LCOR: variants seen among roughly 807,000 people sequenced by gnomAD.
The protein encoded by LCOR is ligand-dependent corepressor.
A neutral mutation model predicts 64.4 loss-of-function variants in LCOR; 14 were observed. The observed-to-expected ratio is 0.22, with a 90% confidence interval of 0.14 to 0.34. The LOEUF is 0.34. Ranked by LOEUF, LCOR falls within the 10% of genes least tolerant of loss-of-function variation. The pLI, the probability that LCOR is intolerant of heterozygous loss-of-function variation, is 1.00. For synonymous variants in LCOR, 643 were observed against 642.5 expected, an observed-to-expected ratio of 1.00 and a Z score of -0.01; for missense variants, 1,686 against 1,765.3, an observed-to-expected ratio of 0.96 and a Z score of 0.80.
At chr10:96,865,501 TTTAA>T (rs1218121947) in intron 2 of LCOR, among the ~76,000 whole-genome samples, 15 of 151,726 alleles carry the variant, frequency 9.9e-5, no homozygotes, top group African/African-American at 3.7e-4. Context: ...TTTTATCGTG[TTTAA>T]TTGAGATGCA....
rs1166601538 is a variant in LCOR at position 96,989,235 on chromosome 10, CA to C, written c.*4102del. On this transcript the variant is annotated 3_prime_UTR_variant, in exon 8 of 8. Coordinates refer to ENST00000421806, the MANE Select transcript of LCOR (RefSeq NM_001346516.2). The stretch of plus-strand genomic sequence containing the variant: ...CACCTTACCGTATCGAGCCGGAACC[CA>C]TGAGCAAATAGGGATTCAGAGTTCT... 1 of 152,196 alleles carries C rather than the reference CA, an allele frequency of 6.6e-6. No individual in the cohort carries two copies. Among genetic ancestry groups the C allele is most frequent in the Non-Finnish European group, 1.5e-5 (1 of 68,044 alleles). The allele number at this position is 152,196 out of a possible 1,614,324, so 9.4% of individuals were successfully genotyped here. A position where few individuals can be genotyped will look rare whatever the true frequency, so the allele number is the denominator to read the frequency against.
chr10:96,864,319 C>T (rs1845935063), intron 2 of LCOR, among the ~76,000 whole-genome samples: 2 of 152,170 alleles, frequency 1.3e-5, no homozygotes, highest in Admixed American at 1.3e-4. Context: ...AAAATGTTCT[C>T]TGTCAAATAA....
At chr10:96,932,463 T>C (rs984859108) in intron 4 of LCOR, among the ~76,000 whole-genome samples, 6 of 151,516 alleles carry the variant, frequency 4.0e-5, no homozygotes, top group Non-Finnish European at 8.8e-5. Context: ...TTTATTTTAT[T>C]TTATTTATTT....
intron 2 of LCOR, among the ~76,000 whole-genome samples, chr10:96,887,168 A>G (rs1389549895): frequency 2.0e-5 from 3 of 152,214 alleles, no homozygotes; most frequent in Non-Finnish European, 2.9e-5. Context: ...CCACAAATTA[A>G]GACAGTGGCA....
chr10:96,861,398 C>A (rs1845885017), intron 2 of LCOR, among the ~76,000 whole-genome samples: 1 of 152,118 alleles, frequency 6.6e-6, no homozygotes, highest in Admixed American at 6.6e-5. Context: ...AAAACAAAAT[C>A]TGTTTTTCCT....
At chr10:96,856,406 T>C (rs1377957386) in intron 2 of LCOR, among the ~76,000 whole-genome samples, 1 of 151,542 alleles carries the variant, frequency 6.6e-6, no homozygotes, top group Non-Finnish European at 1.5e-5. Flanking sequence ...TTTCTTTCCC[T>C]TCCTTCCCTT....
intron 7 of LCOR, among the ~76,000 whole-genome samples, chr10:96,971,827 A>C (rs1310845002): frequency 6.6e-6 from 1 of 152,242 alleles, no homozygotes; most frequent in Admixed American, 6.5e-5. Context: ...TGAAACTAAT[A>C]ATAAAAATTG....
Position 96,847,875 on chromosome 10 carries a change from C to T in LCOR, c.-330+14396C>T, listed in dbSNP as rs543724059. On this transcript the variant is annotated intron_variant, in intron 2 of 7. Coordinates refer to ENST00000421806, the MANE Select transcript of LCOR (RefSeq NM_001346516.2). ...AAAAAGAAAGAAACTGACACTGTGG[C>T]ATGGGCAAGATAGCAGAGGATTGAA... Among the ~76,000 whole-genome samples, 12 of 152,320 alleles carry T rather than the reference C, an allele frequency of 7.9e-5. 1 individual carries two copies. The South Asian group carries it at 2.3e-3, about 29-fold the overall frequency.
At chr10:96,889,258 G>A (rs1846398459) in intron 2 of LCOR, among the ~76,000 whole-genome samples, 1 of 152,026 alleles carries the variant, frequency 6.6e-6, no homozygotes, top group Non-Finnish European at 1.5e-5. Flanking sequence ...TTTGTGTCTG[G>A]CTTTCATTTA....
intron 2 of LCOR, among the ~76,000 whole-genome samples, chr10:96,839,918 C>T (rs957221296): frequency 1.3e-5 from 2 of 152,192 alleles, no homozygotes; most frequent in East Asian, 1.9e-4. Flanking sequence ...AAACTCCTGA[C>T]GTTCCGCCTC....
intron 2 of LCOR, among the ~76,000 whole-genome samples, chr10:96,901,007 G>A (rs1846626962): frequency 6.6e-6 from 1 of 151,778 alleles, no homozygotes; most frequent in African/African-American, 2.4e-5. Context: ...GGCTAACACA[G>A]TGAAACCCCG....
chr10:96,872,930 A>G (rs986330891), intron 2 of LCOR, among the ~76,000 whole-genome samples: 1 of 149,748 alleles, frequency 6.7e-6, no homozygotes, highest in African/African-American at 2.5e-5. Context: ...TGTTTTTTTA[A>G]AAAACCAAAT....
chr10:96,870,214 G>A (rs1403205003), intron 2 of LCOR, among the ~76,000 whole-genome samples: 2 of 151,474 alleles, frequency 1.3e-5, no homozygotes, highest in African/African-American at 4.9e-5. Context: ...TAGAGACGGG[G>A]TTTCACCAGG....
chr10:96,899,788 A>G (rs749023189), intron 2 of LCOR, among the ~76,000 whole-genome samples: 1 of 152,290 alleles, frequency 6.6e-6, no homozygotes, highest in East Asian at 1.9e-4. Context: ...GCTTAAAATC[A>G]TAAGTCTAAA....
Position 96,887,983 on chromosome 10 carries a change from C to CT in LCOR, c.-329-19276dup, listed in dbSNP as rs533685405. ...GGCATGAACCACCACACCTGGCCTA[C>CT]TTTTTTCGTAGAATACCATTTTACT... On this transcript the variant is annotated intron_variant, in intron 2 of 7. Coordinates refer to ENST00000421806, the MANE Select transcript of LCOR (RefSeq NM_001346516.2). Among the ~76,000 whole-genome samples the CT allele has an allele frequency of 2.8e-4, 42 of 151,682 alleles. 1 individual carries two copies. The highest frequency in any genetic ancestry group is 9.4e-4 in the African/African-American group (39 of 41,440).
chr10:96,982,087 A>G lies in LCOR; in HGVS notation c.1627A>G (p.Lys543Glu). ...GGCATCAGAGGCAGTTTTCACTCCT[A>G]AGCAGACCCTTACAATTCCAGCCCC... ...ALASEAVFTP[K>E]QTLTIPAPRH... The change falls in exon 8 of 8, where the codon AAG (lysine) becomes GAG (glutamate). Residue 543 changes from lysine (K) to glutamate (E), a missense_variant. Coordinates refer to ENST00000421806, the MANE Select transcript of LCOR (RefSeq NM_001346516.2). The G allele has an allele frequency of 6.2e-7, 1 of 1,614,152 alleles. No homozygotes were observed. The highest frequency in any genetic ancestry group is 8.5e-7 in the Non-Finnish European group (1 of 1,180,018).
At chr10:96,928,224 TAGA>T (rs1401484246) in intron 4 of LCOR, among the ~76,000 whole-genome samples, 4 of 152,230 alleles carry the variant, frequency 2.6e-5, no homozygotes, top group African/African-American at 9.6e-5. Context: ...TTACCCGTAG[TAGA>T]ACTTCTTTCA....
At chr10:96,940,836 C>T (rs1410350512) in intron 4 of LCOR, among the ~76,000 whole-genome samples, 3 of 150,408 alleles carry the variant, frequency 2.0e-5, no homozygotes, top group Non-Finnish European at 4.4e-5. Context: ...CTAGGCACAC[C>T]TCCCAGACGG....
chr10:96,934,848 C>T (rs1847320451), intron 4 of LCOR, among the ~76,000 whole-genome samples: 2 of 152,146 alleles, frequency 1.3e-5, no homozygotes, highest in Non-Finnish European at 2.9e-5. Flanking sequence ...ATGAGCTGCT[C>T]GCCTCGGCCT....
Sources: allele counts gnomAD v4.1 joint callset (sites outside exome capture counted in the v4.1 genomes callset), GRCh38; gene constraint gnomAD v4.1.1; transcripts MANE v1.5; gene names NCBI Gene and HGNC (gene_info 2026-07-23, HGNC 2026-07-21).